The following ZNF417 variants were observed in gnomAD, a reference collection of about 807,000 sequenced individuals.
The protein encoded by ZNF417 is zinc finger protein 417.
Under a neutral mutation model 7.4 loss-of-function variants are expected in ZNF417, and 5 were observed. That is an observed-to-expected ratio of 0.68 (90% confidence interval 0.35 to 1.43). The LOEUF (loss-of-function observed/expected upper bound fraction) is 1.43, where lower values mean the gene tolerates loss of function less well. ZNF417 is among the 40% of genes most tolerant of loss of function. The probability of loss-of-function intolerance (pLI) is 0.04; values close to 1 mark genes in which losing one functional copy is unlikely to be tolerated. For synonymous variants in ZNF417, 147 were observed against 239.1 expected (o/e 0.61, Z 3.55); for missense variants, 437 against 697.3 (o/e 0.63, Z 4.20).
intron 1 of ZNF417, chr19:57,915,777 A>AGGGGT (rs1196217346): frequency 1.2e-5 from 5 of 413,600 alleles, no homozygotes; most frequent in Non-Finnish European, 2.1e-5. Context: ...ATTACCGTTT[A>AGGGGT]GGGGTCATGC....
In ZNF417 at chr19:57,908,455, A is replaced by G; in HGVS notation, c.*95T>C. 6.3e-7 allele frequency: 1 copy of G among 1,598,108 alleles called. No homozygotes were observed. Among genetic ancestry groups the G allele is most frequent in the Non-Finnish European group, 8.6e-7 (1 of 1,169,460 alleles). ...GAGCAGACATTCTGATGTTTCCCAG[A>G]TTGACAGCACTCATAAGGCCTTTCT... On this transcript the variant is annotated 3_prime_UTR_variant, in exon 3 of 3. Transcript: ENST00000312026.
In ZNF417 at chr19:57,910,133, T is replaced by C. The variant is rs1357988234; in HGVS notation, c.164-19A>G. 1.2e-6 allele frequency: 2 copies of C among 1,604,562 alleles called. No homozygotes were observed. The highest frequency in any genetic ancestry group is 2.7e-5 in the African/African-American group (2 of 74,518). ...CAACAACCTGAGAGCAAGAAAATGC[T>C]GGTCAAGTGCAAAGTACCTCTGACG... On this transcript the variant is annotated intron_variant, in intron 2 of 2. Coordinates refer to ENST00000312026, the MANE Select transcript of ZNF417 (RefSeq NM_152475.3).
rs112790161 is a variant in ZNF417, at chr19:57,912,265, A to C, written c.34-76T>G. On this transcript the variant is annotated intron_variant, in intron 1 of 2. Transcript: ENST00000312026. Reference sequence around the variant, plus strand: ...CAACCCACCTCTCCCACACACCCACACTTGCCCATCCTCCTCCCAAGGTCC... The same window carrying C: ...CAACCCACCTCTCCCACACACCCACCCTTGCCCATCCTCCTCCCAAGGTCC... 3,870 of 1,589,714 alleles carry C rather than the reference A, an allele frequency of 2.4e-3. 83 individuals carry two copies. In the African/African-American group the frequency reaches 0.044, roughly 18 times the overall value.
intron 1 of ZNF417, chr19:57,915,762 TAG>T (rs2071942020): frequency 2.4e-6 from 1 of 412,748 alleles, no homozygotes. Flanking sequence ...GCTACAAGGT[TAG>T]AAATTACCGT....
In ZNF417 at chr19:57,916,331, C is replaced by A. The variant is rs768608359; in HGVS notation, c.33+48G>T. ...AGCCGCTCCCTCGCTGGTTTAGGAC[C>A]TGGGTGACGATGGGGTGACCTGAGG... On this transcript the variant is annotated intron_variant, in intron 1 of 2. Coordinates refer to ENST00000312026, the MANE Select transcript of ZNF417 (RefSeq NM_152475.3). The A allele has an allele frequency of 3.7e-6, 6 of 1,613,934 alleles. No individual in the cohort carries two copies. The African/African-American group carries it at 8.0e-5, about 22-fold the overall frequency.
rs3826671 is a variant in ZNF417 at position 57,909,760 on chromosome 19, C to T, written c.518G>A (p.Arg173His). Reference protein sequence around the residue: ...LRVSQEPFVFREFGKDVLPSS... With the variant: ...LRVSQEPFVFHEFGKDVLPSS... The stretch of plus-strand genomic sequence containing the variant: ...GGGCAGAACGTCCTTCCCAAACTCG[C>T]GGAAGACAAATGGCTCCTGTGACAC... Residue 173 changes from arginine (R) to histidine (H), a missense_variant, in exon 3 of 3, where the codon CGC becomes CAC. Arg to His is a conservative substitution (Grantham distance 29). Coordinates refer to ENST00000312026, the MANE Select transcript of ZNF417 (RefSeq NM_152475.3). 510,529 of 1,467,076 alleles carry T rather than the reference C, an allele frequency of 0.35. 126,524 individuals are homozygous for T. The highest frequency in any genetic ancestry group is 0.37 in the Non-Finnish European group (400,288 of 1,082,834). The allele number at this position is 1,467,076 out of a possible 1,614,324, so 90.9% of individuals were successfully genotyped here.
chr19:57,912,439 G>A (rs1177731655), intron 1 of ZNF417, among the ~76,000 whole-genome samples: 1 of 152,128 alleles, frequency 6.6e-6, no homozygotes, highest in East Asian at 1.9e-4. Flanking sequence ...TCTGAATAGC[G>A]ATATCCAAGC....
Position 57,908,766 on chromosome 19 carries a change from G to A in ZNF417, c.1512C>T (p.Ser504=), listed in dbSNP as rs748494715. 6.8e-6 allele frequency: 11 copies of A among 1,613,414 alleles called. No homozygotes were observed. In the East Asian group the frequency reaches 2.5e-4, roughly 36 times the overall value. The change falls in exon 3 of 3, where the codon AGC becomes AGT. Residue 504 remains serine, a synonymous_variant. Coordinates refer to ENST00000312026, the MANE Select transcript of ZNF417 (RefSeq NM_152475.3). ...CTCTTTTATGAACATGAAGCGCAGA[G>A]CTGGAAAGAAATGATTTCCCACATT... is the stretch of plus-strand genomic sequence containing the variant. ...CNECGKSFLS[S]SALHVHKRVH...
At chr19:57,910,808 G>C (rs2071892886) in intron 2 of ZNF417, among the ~76,000 whole-genome samples, 1 of 152,154 alleles carries the variant, frequency 6.6e-6, no homozygotes, top group Non-Finnish European at 1.5e-5. Flanking sequence ...CTTTGCAAGG[G>C]TGAGGCAAGT....
intron 2 of ZNF417, among the ~76,000 whole-genome samples, chr19:57,910,796 C>A (rs1030740346): frequency 6.6e-6 from 1 of 152,184 alleles, no homozygotes; most frequent in Non-Finnish European, 1.5e-5. Flanking sequence ...GTAATCCCAG[C>A]ACTTTGCAAG....
Position 57,908,383 on chromosome 19 carries a change from G to T in ZNF417, c.*167C>A. The T allele has an allele frequency of 2.3e-6, 3 of 1,316,662 alleles. No homozygotes were observed. The highest frequency in any genetic ancestry group is 3.1e-6 in the Non-Finnish European group (3 of 955,338). 81.6% of individuals were successfully genotyped at this position (1,316,662 alleles called of 1,614,324 possible). A position where few individuals can be genotyped will look rare whatever the true frequency, so the allele number is the denominator to read the frequency against. ...TGCACCACTGCACTCCAGCCTGGGT[G>T]ACAGAATGAGACTCCGTTCCAATGC... On this transcript the variant is annotated 3_prime_UTR_variant, in exon 3 of 3. Coordinates refer to ENST00000312026, the MANE Select transcript of ZNF417 (RefSeq NM_152475.3).
Position 57,916,525 on chromosome 19 carries a change from G to C in ZNF417, c.-114C>G. ...CCACCTTCTAGGTTCAGTCACCGCG[G>C]TCCCCCCCCAGCACTCAGGGGCCAC... On this transcript the variant is annotated 5_prime_UTR_variant, in exon 1 of 3. Transcript: ENST00000312026. 1 of 1,579,474 alleles carries C rather than the reference G, an allele frequency of 6.3e-7. No individual in the cohort carries two copies. Among genetic ancestry groups the C allele is most frequent in the Middle Eastern group, 1.8e-4 (1 of 5,704 alleles).
Position 57,905,988 on chromosome 19 carries a change from C to A in ZNF417, c.*2562G>T, listed in dbSNP as rs1010912537. 2.3e-4 allele frequency among the ~76,000 whole-genome samples: 35 copies of A among 151,904 alleles called. No individual in the cohort carries two copies. Among genetic ancestry groups the A allele is most frequent in the African/African-American group, 7.7e-4 (32 of 41,346 alleles). ...GAAAAAAGTTTTGTTTTTTTTGAGG[C>A]AGGGCCTTGCTCTTTTGCCCAGGCT... On this transcript the variant is annotated 3_prime_UTR_variant, in exon 3 of 3. Transcript: ENST00000312026.
rs757709359 is a variant in ZNF417 at position 57,908,893 on chromosome 19, C to T, written c.1385G>A (p.Arg462Lys). 1.2e-6 allele frequency: 2 copies of T among 1,614,080 alleles called. No homozygotes were observed. Among genetic ancestry groups the T allele is most frequent in the African/African-American group, 2.7e-5 (2 of 74,932 alleles). ...CCCACATACCTCACACGCATATGGC[C>T]TTTCTCCAGTGTGAACTCTCTCATG... is the stretch of plus-strand genomic sequence containing the variant. ...LVHERVHTGERPYACEVCGKL... is the reference protein window; with the variant it reads ...LVHERVHTGEKPYACEVCGKL... The change falls in exon 3 of 3, where the codon AGG (arginine) becomes AAG (lysine). Residue 462 changes from arginine to lysine, a missense_variant. Arg to Lys is a conservative substitution (Grantham distance 26). Coordinates refer to ENST00000312026, the MANE Select transcript of ZNF417 (RefSeq NM_152475.3).
intron 1 of ZNF417, among the ~76,000 whole-genome samples, chr19:57,913,325 C>T (rs368939701): frequency 2.2e-4 from 34 of 152,312 alleles, no homozygotes; most frequent in East Asian, 3.9e-4. Context: ...ATCCTGTGAA[C>T]GTCTCCCGGA....
At chr19:57,910,248 T>C (rs1200596156) in intron 2 of ZNF417, 134 bp from the exon 3 acceptor site, 3 of 1,470,666 alleles carry the variant, frequency 2.0e-6, no homozygotes, top group Non-Finnish European at 1.8e-6. Flanking sequence ...GGCTTCAAGT[T>C]GAAGATGGGG....
chr19:57,915,957 G>C (rs942220954), intron 1 of ZNF417, among the ~76,000 whole-genome samples: 39 of 152,122 alleles, frequency 2.6e-4, no homozygotes, highest in African/African-American at 8.2e-4. Context: ...ATCCCACCCA[G>C]AACAGAAAAC....
chr19:57,916,576 G>T lies in ZNF417; in HGVS notation c.-165C>A. On this transcript the variant is annotated 5_prime_UTR_variant, in exon 1 of 3. Transcript: ENST00000312026. The stretch of plus-strand genomic sequence containing the variant: ...AAACTGGGGAAACACCCGCGTCACC[G>T]ATACACAGCCGCTACTAGAGACCCC... 6.8e-7 allele frequency: 1 copy of T among 1,480,184 alleles called. No homozygotes were observed. The highest frequency in any genetic ancestry group is 1.3e-5 in the South Asian group (1 of 74,622). The allele number at this position is 1,480,184 out of a possible 1,614,324, so 91.7% of individuals were successfully genotyped here.
chr19:57,914,557 A>T (rs1027606344), intron 1 of ZNF417, among the ~76,000 whole-genome samples: 7 of 150,066 alleles, frequency 4.7e-5, no homozygotes, highest in African/African-American at 1.7e-4. Context: ...TGAATCCTGT[A>T]TCCAGACTCA....
Sources: allele counts gnomAD v4.1 joint callset (sites outside exome capture counted in the v4.1 genomes callset), GRCh38; gene constraint gnomAD v4.1.1; transcripts MANE v1.5; gene names NCBI Gene and HGNC (gene_info 2026-07-23, HGNC 2026-07-21).